ALKBH8: variants seen among roughly 807,000 people sequenced by gnomAD.
ALKBH8 encodes the protein tRNA (carboxymethyluridine(34)-5-O)-methyltransferase ALKBH8.
In ALKBH8, 36 loss-of-function variants were observed where a neutral mutation model predicts 59.8. That is an observed-to-expected ratio of 0.60 (90% CI 0.46 to 0.79). The LOEUF is 0.79. Among genes scored for constraint, ALKBH8 ranks in the 30% least tolerant of loss-of-function variants. The pLI is 0.00. For missense variants in ALKBH8, 768 were observed against 801.0 expected (o/e 0.96, Z 0.50); for synonymous variants, 276 against 273.6 (o/e 1.01, Z -0.09).
chr11:107,548,279 C>G (rs770192282), intron 7 of ALKBH8, among the ~76,000 whole-genome samples: 1 of 152,212 alleles, frequency 6.6e-6, no homozygotes, highest in Non-Finnish European at 1.5e-5. Flanking sequence ...TGTCCAGCTA[C>G]GCCAGTGACA....
chr11:107,553,926 T>C lies in ALKBH8; in HGVS notation c.420A>G (p.Val140=). 2 of 1,613,858 alleles carry C rather than the reference T, an allele frequency of 1.2e-6. No homozygotes were observed. The highest frequency in any genetic ancestry group is 1.1e-5 in the South Asian group (1 of 91,040). The change falls in exon 4 of 12, where the codon GTA becomes GTG. Residue 140 remains valine (V), a synonymous_variant. Coordinates refer to ENST00000428149, the MANE Select transcript of ALKBH8 (RefSeq NM_138775.3). ...PQALPPGLMV[V]EEIISSEEEK... ...CCTCCTCAGAAGAAATTATTTCTTCTACTACCATGAGTCCTGGTGGTAAGG... is the reference window on the plus strand; with the variant it reads ...CCTCCTCAGAAGAAATTATTTCTTCCACTACCATGAGTCCTGGTGGTAAGG...
chr11:107,538,398 A>T (rs910196776), intron 7 of ALKBH8, among the ~76,000 whole-genome samples: 1 of 152,190 alleles, frequency 6.6e-6, no homozygotes, highest in Non-Finnish European at 1.5e-5. Flanking sequence ...AAAAGACTTT[A>T]AAAAAATATT....
chr11:107,558,802 G>A (rs1016341694), intron 2 of ALKBH8, among the ~76,000 whole-genome samples: 1 of 152,212 alleles, frequency 6.6e-6, no homozygotes, highest in African/African-American at 2.4e-5. Context: ...GAGTATGTAT[G>A]AAGTAGAGAA....
chr11:107,538,997 T>A (rs949406053), intron 7 of ALKBH8, among the ~76,000 whole-genome samples: 3 of 152,268 alleles, frequency 2.0e-5, no homozygotes, highest in African/African-American at 7.2e-5. Context: ...AAAGTTCACC[T>A]GTTTCCCACA....
At chr11:107,505,315 G>A (rs569659333) in intron 11 of ALKBH8, 100 bp from the exon 12 acceptor site, 3 of 828,606 alleles carry the variant, frequency 3.6e-6, no homozygotes, top group South Asian at 2.9e-5. Context: ...TGAACAATAA[G>A]AATATCTAAC....
chr11:107,531,501 A>T (rs1259745162), intron 8 of ALKBH8, among the ~76,000 whole-genome samples: 1 of 152,262 alleles, frequency 6.6e-6, no homozygotes, highest in Non-Finnish European at 1.5e-5. Context: ...AAACTCTTTC[A>T]AATAAAAGAC....
Position 107,556,870 on chromosome 11 carries a change from C to A in ALKBH8, c.263G>T (p.Arg88Ile). ...PNKPYSFARY[R>I]TTEESKRAYV... The stretch of plus-strand genomic sequence containing the variant: ...GGCTCTCTTAGATTCTTCTGTAGTT[C>A]TGTATCTTGCAAATGAGTACGGCTT... Residue 88 changes from arginine (R) to isoleucine (I), a missense_variant, in exon 3 of 12, where the codon AGA becomes ATA. Arg to Ile is a moderately conservative substitution (Grantham distance 97). Coordinates refer to ENST00000428149, the MANE Select transcript of ALKBH8 (RefSeq NM_138775.3). 6.2e-7 allele frequency: 1 copy of A among 1,608,398 alleles called. No homozygotes were observed. Among genetic ancestry groups the A allele is most frequent in the Non-Finnish European group, 8.5e-7 (1 of 1,177,306 alleles).
chr11:107,519,130 A>G (rs1336950366), intron 10 of ALKBH8, among the ~76,000 whole-genome samples: 3 of 151,874 alleles, frequency 2.0e-5, no homozygotes, highest in Non-Finnish European at 4.4e-5. Flanking sequence ...TTTGAGACAG[A>G]GTCTCACTCT....
intron 7 of ALKBH8, among the ~76,000 whole-genome samples, chr11:107,534,927 C>T (rs1021179141): frequency 6.6e-6 from 1 of 152,118 alleles, no homozygotes; most frequent in Admixed American, 6.5e-5. Context: ...TCCCCAAAGT[C>T]CCCAAAGTCC....
intron 9 of ALKBH8, among the ~76,000 whole-genome samples, chr11:107,525,115 C>T (rs1386403251): frequency 3.3e-5 from 5 of 152,126 alleles, no homozygotes; most frequent in African/African-American, 4.8e-5. Flanking sequence ...CAACAATACC[C>T]GTTTTTAAAC....
At chr11:107,559,277 C>G (rs1169289297) in intron 2 of ALKBH8, among the ~76,000 whole-genome samples, 1 of 152,082 alleles carries the variant, frequency 6.6e-6, no homozygotes, top group East Asian at 1.9e-4. Flanking sequence ...TGACAACAGA[C>G]TAATACAATA....
At chr11:107,539,527 A>T (rs556524663) in intron 7 of ALKBH8, among the ~76,000 whole-genome samples, 4 of 152,210 alleles carry the variant, frequency 2.6e-5, no homozygotes. Flanking sequence ...TGAACCCAGG[A>T]AGTGGAAGTT....
chr11:107,556,528 T>G (rs1467218088), intron 3 of ALKBH8, among the ~76,000 whole-genome samples: 2 of 152,172 alleles, frequency 1.3e-5, no homozygotes, highest in African/African-American at 2.4e-5. Context: ...AATAAATATA[T>G]TGTTGACTGG....
chr11:107,547,918 TC>T (rs898604406), intron 7 of ALKBH8, among the ~76,000 whole-genome samples: 15 of 152,172 alleles, frequency 9.9e-5, no homozygotes, highest in African/African-American at 3.4e-4. Flanking sequence ...GGGCAAATTT[TC>T]CCTTCTTCAT....
chr11:107,559,044 A>C (rs1031752455), intron 2 of ALKBH8, among the ~76,000 whole-genome samples: 3 of 152,176 alleles, frequency 2.0e-5, no homozygotes, highest in Non-Finnish European at 2.9e-5. Context: ...TTCCCCTATA[A>C]TGTTCTCGTG....
At chr11:107,558,304 T>C (rs561080357) in intron 2 of ALKBH8, among the ~76,000 whole-genome samples, 19 of 152,364 alleles carry the variant, frequency 1.2e-4, no homozygotes, top group Admixed American at 3.3e-4. Flanking sequence ...GTACTTTGTA[T>C]GCATGCAAGC....
At chr11:107,552,492 C>G (rs1469395123) in intron 5 of ALKBH8, among the ~76,000 whole-genome samples, 3 of 152,000 alleles carry the variant, frequency 2.0e-5, no homozygotes, top group African/African-American at 7.2e-5. Flanking sequence ...TGGGAAAAAA[C>G]TGGCAAAGAA....
chr11:107,522,536 A>G lies in ALKBH8; in HGVS notation c.1050T>C (p.Asp350=), dbSNP rs1863162214. The G allele has an allele frequency of 1.0e-5, 16 of 1,551,444 alleles. No homozygotes were observed. Among genetic ancestry groups the G allele is most frequent in the Non-Finnish European group, 1.4e-5 (16 of 1,146,938 alleles). ...AGGGGGGAGTCTCTTTCCTCTGGCT[A>G]TCACAGACCAACGGGTAACCTTAAT... ...PCNCSYPLVC[D]SQRKETPPSF... Residue 350 remains aspartate, a synonymous_variant, in exon 10 of 12, where the codon GAT becomes GAC. Transcript: ENST00000428149.
At chr11:107,529,266 T>C (rs1015033293) in intron 8 of ALKBH8, among the ~76,000 whole-genome samples, 2 of 152,174 alleles carry the variant, frequency 1.3e-5, no homozygotes, top group South Asian at 2.1e-4. Context: ...ATATGTAAAG[T>C]TTTTAGAACA....
Sources: gnomAD v4.1 joint callset for allele counts (sites outside exome capture counted in the v4.1 genomes callset) on GRCh38, gnomAD v4.1.1 for gene constraint, MANE v1.5 for transcripts, NCBI Gene and HGNC (gene_info 2026-07-23, HGNC 2026-07-21) for gene names.